NLRC3: variants seen among roughly 807,000 people sequenced by gnomAD.
NLRC3 encodes the protein NLR family CARD domain containing 3.
Under a neutral mutation model 91.6 loss-of-function variants are expected in NLRC3, and 87 were observed. The ratio of observed to expected loss-of-function variants is 0.95; its 90% CI spans 0.80 to 1.14. The LOEUF (loss-of-function observed/expected upper bound fraction) is 1.14, where lower values mean the gene tolerates loss of function less well. Ranked by LOEUF, NLRC3 falls within the 50% of genes most tolerant of loss-of-function variation. NLRC3 has a pLI of 0.00. For missense variants in NLRC3, 1,577 were observed against 1,418.6 expected (o/e 1.11, Z -1.79); for synonymous variants, 694 against 625.3 (o/e 1.11, Z -1.64).
chr16:3,572,960 C>G (rs1184075353), intron 1 of NLRC3, among the ~76,000 whole-genome samples: 4 of 142,302 alleles, frequency 2.8e-5, no homozygotes, highest in African/African-American at 1.1e-4. Flanking sequence ...TGCAGTGAGC[C>G]GAGATGGTGC....
At chr16:3,552,624 A>C (rs1308350874) in intron 9 of NLRC3, among the ~76,000 whole-genome samples, 1 of 152,154 alleles carries the variant, frequency 6.6e-6, no homozygotes, top group Non-Finnish European at 1.5e-5. Flanking sequence ...CATCTAGACC[A>C]GCAGGCTGCC....
At chr16:3,551,746 T>TTCAC (rs531809286) in intron 10 of NLRC3, among the ~76,000 whole-genome samples, 7,513 of 22,422 alleles carry the variant, frequency 0.34, 244 homozygotes, top group South Asian at 0.4. Context: ...CATCCATCCA[T>TTCAC]CCATTCACCA....
Position 3,543,501 on chromosome 16 carries a change from C to A in NLRC3, c.2863G>T (p.Val955Leu), listed in dbSNP as rs1207055179. 6.2e-7 allele frequency: 1 copy of A among 1,612,512 alleles called. No homozygotes were observed. Among genetic ancestry groups the A allele is most frequent in the South Asian group, 1.1e-5 (1 of 90,860 alleles). ...NTALTALYLQ[V>L]ASIGASGAQV... ...GCGCCTGAAGCACCAATTGAGGCCA[C>A]CTGGAGACTGGGGCGGAGAGGGTGC... is the stretch of plus-strand genomic sequence containing the variant. Residue 955 changes from valine (V) to leucine (L), a missense_variant, in exon 17 of 20, where the codon GTG (valine) becomes TTG (leucine). Transcript: ENST00000359128.
At chr16:3,546,357 G>T (rs763371768) in intron 15 of NLRC3, among the ~76,000 whole-genome samples, 11 of 150,786 alleles carry the variant, frequency 7.3e-5, no homozygotes, top group Non-Finnish European at 1.5e-4. Flanking sequence ...AGGAGTTCGA[G>T]ACCAGCCTGA....
rs144031508 is a variant in NLRC3, at chr16:3,562,399, G to C, written c.1928+610C>G. Reference sequence around the variant, plus strand: ...CTCAGGCCTGTAATCCCAGCAATTTGGGAGGCTGGGGTGGGCGGGTCACCT... The same window carrying C: ...CTCAGGCCTGTAATCCCAGCAATTTCGGAGGCTGGGGTGGGCGGGTCACCT... On this transcript the variant is annotated intron_variant, in intron 5 of 19. Coordinates refer to ENST00000359128, the MANE Select transcript of NLRC3 (RefSeq NM_178844.4). 2.8e-4 allele frequency among the ~76,000 whole-genome samples: 43 copies of C among 152,188 alleles called. No individual in the cohort carries two copies. In the East Asian group the frequency reaches 7.9e-3, roughly 28 times the overall value.
chr16:3,546,282 G>C (rs557559310), intron 15 of NLRC3, among the ~76,000 whole-genome samples: 1 of 151,904 alleles, frequency 6.6e-6, no homozygotes, highest in East Asian at 1.9e-4. Context: ...TATGCTGGAT[G>C]TGGTGGTTTG....
At chr16:3,545,279 C>T (rs1401327206) in intron 15 of NLRC3, 1 of 152,072 alleles carries the variant, frequency 6.6e-6, no homozygotes, top group African/African-American at 2.4e-5. Context: ...AACCCCGTCT[C>T]CACTAAAAAT....
In NLRC3 at chr16:3,548,970, C is replaced by T. The variant is rs375090953; in HGVS notation, c.2603+172G>A. ...ACTAGCCTCACCCTCGTGCAGTTTA[C>T]ACTATGAGAGTGGGGGACTTGCCAC... On this transcript the variant is annotated intron_variant, in intron 13 of 19. Transcript: ENST00000359128. 8.5e-5 allele frequency among the ~76,000 whole-genome samples: 13 copies of T among 152,328 alleles called. No individual in the cohort carries two copies. The East Asian group carries it at 2.5e-3, about 29-fold the overall frequency.
At chr16:3,551,281 CATCT>C (rs1291009710) in intron 10 of NLRC3, among the ~76,000 whole-genome samples, 3 of 151,788 alleles carry the variant, frequency 2.0e-5, no homozygotes, top group South Asian at 2.1e-4. Context: ...TTCTACCATC[CATCT>C]ATCCACTCAC....
chr16:3,566,169 G>A (rs192308176), intron 2 of NLRC3, among the ~76,000 whole-genome samples: 34 of 148,034 alleles, frequency 2.3e-4, no homozygotes, highest in African/African-American at 6.5e-4. Context: ...GGGTGATGGC[G>A]ACATGTCCGT....
At chr16:3,571,535 C>T (rs979951785) in intron 1 of NLRC3, among the ~76,000 whole-genome samples, 14 of 142,566 alleles carry the variant, frequency 9.8e-5, no homozygotes, top group African/African-American at 3.4e-4. Flanking sequence ...CAGAGCAAGA[C>T]CCTGGCTTTA....
At chr16:3,550,372 A>G in intron 11 of NLRC3, 42 bp downstream of exon 11, 4 of 1,388,054 alleles carry the variant, frequency 2.9e-6, no homozygotes, top group African/African-American at 1.4e-5. Flanking sequence ...TCTACTGGAA[A>G]GAGAACCCAG....
intron 1 of NLRC3, among the ~76,000 whole-genome samples, chr16:3,573,851 C>T (rs181066676): frequency 2.2e-4 from 34 of 152,152 alleles, no homozygotes; most frequent in African/African-American, 7.5e-4. Context: ...CAGGGTCCTG[C>T]TTTGTTGCCC....
chr16:3,557,857 G>A (rs1000127911), intron 6 of NLRC3, among the ~76,000 whole-genome samples, 181 bp from the exon 7 acceptor site: 3 of 152,214 alleles, frequency 2.0e-5, no homozygotes, highest in Non-Finnish European at 4.4e-5. Flanking sequence ...CTGAGCCTGG[G>A]CAGCGTAGGG....
Position 3,565,007 on chromosome 16 carries a change from C to T in NLRC3, c.30G>A (p.Arg10=). Residue 10 remains arginine, a synonymous_variant, in exon 4 of 20, where the codon AGG becomes AGA. Coordinates refer to ENST00000359128, the MANE Select transcript of NLRC3 (RefSeq NM_178844.4). ...CCGTACCGTGGCCCTGGCCGGCCTC[C>T]CTGCCCGTCCGCACCTCTTGCTTCC... MRKQEVRTG[R]EAGQGHGTGS... The T allele has an allele frequency of 6.2e-7, 1 of 1,610,274 alleles. No individual in the cohort carries two copies. The highest frequency in any genetic ancestry group is 8.5e-7 in the Non-Finnish European group (1 of 1,179,746).
chr16:3,574,007 CTTTTTTTTTTTTTT>C (rs35126359), intron 1 of NLRC3, among the ~76,000 whole-genome samples: 1,029 of 40,476 alleles, frequency 0.025, 29 homozygotes, highest in Middle Eastern at 0.12. Context: ...ACCATTTTAT[CTTTTTTTTTTTTTT>C]TTTTTTTTTT....
intron 12 of NLRC3, 122 bp from the exon 13 acceptor site, chr16:3,549,347 C>G: frequency 2.6e-6 from 2 of 757,364 alleles, no homozygotes; most frequent in Non-Finnish European, 4.5e-6. Flanking sequence ...TAGAGTTCTG[C>G]ATAGTCTGGG....
In NLRC3 at chr16:3,564,472, C is replaced by T; in HGVS notation, c.465G>A (p.Val155=). ...GGGCCCAGAGGCGGACGAAGTGCCT[C>T]ACCAGGGTGGTCTTGCCCATGCCGG... ...GVAGMGKTTL[V]RHFVRLWAHG... is the part of the protein sequence containing the mutation. The change falls in exon 5 of 20, where the codon GTG becomes GTA. Residue 155 remains valine, a synonymous_variant. Transcript: ENST00000359128. This position sits in a 1 kb window ranked among gnomAD's most constrained non-coding sequence, Gnocchi z 5.9. 1 of 1,612,580 alleles carries T rather than the reference C, an allele frequency of 6.2e-7. No individual in the cohort carries two copies. Among genetic ancestry groups the T allele is most frequent in the Non-Finnish European group, 8.5e-7 (1 of 1,179,864 alleles).
chr16:3,576,542 A>G (rs992580679), intron 1 of NLRC3, among the ~76,000 whole-genome samples: 6 of 152,232 alleles, frequency 3.9e-5, no homozygotes, highest in Admixed American at 2.6e-4. Flanking sequence ...GCCTGCCCGC[A>G]GCACCTTCAA....
Sources: gnomAD v4.1 joint callset for allele counts (sites outside exome capture counted in the v4.1 genomes callset) on GRCh38, gnomAD v4.1.1 for gene constraint, Gnocchi (gnomAD v3.1) non-coding constraint, MANE v1.5 for transcripts, NCBI Gene and HGNC (gene_info 2026-07-23, HGNC 2026-07-21) for gene names.